Variants in NKD1 observed in about 807,000 individuals in gnomAD.
NKD1 encodes the protein protein naked cuticle homolog 1.
Under a neutral mutation model 56.0 loss-of-function variants are expected in NKD1, and 21 were observed. The observed-to-expected ratio is 0.38, with a 90% CI of 0.27 to 0.54. The LOEUF is 0.54. NKD1 is among the 20% of genes least tolerant of loss of function. The pLI is 0.82. For missense variants in NKD1, 578 were observed against 642.7 expected (o/e 0.90, Z 1.09); for synonymous variants, 263 against 265.7 (o/e 0.99, Z 0.10).
chr16:50,552,065 G>A (rs1467721835), intron 3 of NKD1: 1 of 152,166 alleles, frequency 6.6e-6, no homozygotes, highest in East Asian at 1.9e-4. Context: ...GGCTGGCAGA[G>A]GTCCTCCCAC....
rs532960713 is a variant in NKD1 at position 50,647,534 on chromosome 16, G to C, written c.*13753G>C. Reference sequence around the variant, plus strand: ...GGTCCTGGGAAAGACAGGGAGGAGAGTGGGGAAGTGAGGCAGAAAAGGAAG... The same window carrying C: ...GGTCCTGGGAAAGACAGGGAGGAGACTGGGGAAGTGAGGCAGAAAAGGAAG... On this transcript the variant is annotated 3_prime_UTR_variant, in exon 10 of 10. Transcript: ENST00000268459. The C allele has an allele frequency of 6.6e-6, 1 of 152,224 alleles. No homozygotes were observed. The highest frequency in any genetic ancestry group is 2.4e-5 in the African/African-American group (1 of 41,432). 9.4% of individuals were successfully genotyped at this position (152,224 alleles called of 1,614,324 possible).
chr16:50,614,225 G>A (rs1961913000), intron 4 of NKD1, among the ~76,000 whole-genome samples: 1 of 152,150 alleles, frequency 6.6e-6, no homozygotes, highest in African/African-American at 2.4e-5. Flanking sequence ...AGACGGATTT[G>A]TTAAGTCAGG....
In NKD1 at chr16:50,634,621, A is replaced by G. The variant is rs1962427612; in HGVS notation, c.*840A>G. On this transcript the variant is annotated 3_prime_UTR_variant, in exon 10 of 10. Transcript: ENST00000268459. The stretch of plus-strand genomic sequence containing the variant: ...TTGGTTGTGGTGGAGGATGTGGCAC[A>G]TATATACGTACCTACACGGTTCTCT... The G allele has an allele frequency of 6.6e-6, 1 of 152,366 alleles. No homozygotes were observed. The highest frequency in any genetic ancestry group is 2.4e-5 in the African/African-American group (1 of 41,444). 9.4% of individuals were successfully genotyped at this position (152,366 alleles called of 1,614,324 possible). A position where few individuals can be genotyped will look rare whatever the true frequency, so the allele number is the denominator to read the frequency against.
At chr16:50,572,182 G>A (rs1960899473) in intron 3 of NKD1, among the ~76,000 whole-genome samples, 2 of 152,156 alleles carry the variant, frequency 1.3e-5, no homozygotes, top group African/African-American at 4.8e-5. Context: ...ACCACCATTG[G>A]TCATTTGTGA....
chr16:50,574,093 A>G (rs1163896482), intron 3 of NKD1: 2 of 818,560 alleles, frequency 2.4e-6, no homozygotes, highest in African/African-American at 3.7e-5. Flanking sequence ...TGAGGCTCCA[A>G]GTGGCAGAAT....
intron 4 of NKD1, among the ~76,000 whole-genome samples, chr16:50,617,960 A>G (rs1052374787): frequency 2.0e-5 from 3 of 152,196 alleles, no homozygotes; most frequent in African/African-American, 7.2e-5. Flanking sequence ...CTCTGTTGCA[A>G]CAGTTCAACT....
At chr16:50,591,233 G>A (rs1014395073) in intron 3 of NKD1, among the ~76,000 whole-genome samples, 4 of 152,288 alleles carry the variant, frequency 2.6e-5, no homozygotes, top group Non-Finnish European at 4.4e-5. Context: ...GATATTTGCC[G>A]TTTGTTCCTC....
At chr16:50,629,389 G>A (rs1451102303) in intron 6 of NKD1, among the ~76,000 whole-genome samples, 1 of 152,206 alleles carries the variant, frequency 6.6e-6, no homozygotes, top group Non-Finnish European at 1.5e-5. Flanking sequence ...GGATTTGCAA[G>A]TGAGTGGGGA....
chr16:50,550,765 T>G (rs1960366217), intron 3 of NKD1, among the ~76,000 whole-genome samples: 2 of 152,116 alleles, frequency 1.3e-5, no homozygotes, highest in South Asian at 4.1e-4. Flanking sequence ...CCTTTCTAGT[T>G]TTTGATCTAC....
chr16:50,632,174 A>G lies in NKD1; in HGVS notation c.696-107A>G. 9.3e-7 allele frequency: 1 copy of G among 1,074,486 alleles called. No homozygotes were observed. The highest frequency in any genetic ancestry group is 1.4e-6 in the Non-Finnish European group (1 of 730,830). 66.6% of individuals were successfully genotyped at this position (1,074,486 alleles called of 1,614,324 possible). A position where few individuals can be genotyped will look rare whatever the true frequency, so the allele number is the denominator to read the frequency against. ...CACCCTCTCCAAAGGCCAAGAAGGAAATGAATGAAGGGTCCAGAGTTCATT... is the reference window on the plus strand; with the variant it reads ...CACCCTCTCCAAAGGCCAAGAAGGAGATGAATGAAGGGTCCAGAGTTCATT... On this transcript the variant is annotated intron_variant, in intron 8 of 9. Coordinates refer to ENST00000268459, the MANE Select transcript of NKD1 (RefSeq NM_033119.5). The surrounding 1 kb of genome is among the most constrained non-coding windows in gnomAD (Gnocchi z 4.1).
rs138964473 is a variant in NKD1 at position 50,598,262 on chromosome 16, T to TGTGCGC, written c.193-10031_193-10030insTGCGCG. ...GTGTGTGTGTGTGTGTGTGTGTGTG[T>TGTGCGC]GCGCGCACACCTGTGCTCATGGACA... On this transcript the variant is annotated intron_variant, in intron 3 of 9. Coordinates refer to ENST00000268459, the MANE Select transcript of NKD1 (RefSeq NM_033119.5). This position sits in a 1 kb window ranked among gnomAD's most constrained non-coding sequence, Gnocchi z 4.2. 6.7e-6 allele frequency among the ~76,000 whole-genome samples: 1 copy of TGTGCGC among 148,666 alleles called. No homozygotes were observed. Among genetic ancestry groups the TGTGCGC allele is most frequent in the African/African-American group, 2.6e-5 (1 of 39,158 alleles).
intron 3 of NKD1, among the ~76,000 whole-genome samples, chr16:50,591,735 G>T (rs886951514): frequency 6.6e-6 from 1 of 152,246 alleles, no homozygotes; most frequent in Non-Finnish European, 1.5e-5. Context: ...ATTGAAGCAC[G>T]GAGCCAGTGA....
chr16:50,589,774 C>G (rs1438083232), intron 3 of NKD1, among the ~76,000 whole-genome samples: 1 of 101,746 alleles, frequency 9.8e-6, no homozygotes, highest in Non-Finnish European at 2.0e-5. Flanking sequence ...CTCCTCTCCT[C>G]TCCTCTCCTC....
Position 50,605,321 on chromosome 16 carries a change from ACTTT to A in NKD1, c.193-2968_193-2965del, listed in dbSNP as rs540352354. On this transcript the variant is annotated intron_variant, in intron 3 of 9. Coordinates refer to ENST00000268459, the MANE Select transcript of NKD1 (RefSeq NM_033119.5). ...CATACAGTACTTCAGGGTTGAGGCC[ACTTT>A]CTTTGTAGAAAATAACAGTAATGAT... Among the ~76,000 whole-genome samples, 541 of 152,344 alleles carry A rather than the reference ACTTT, an allele frequency of 3.6e-3. 4 individuals are homozygous for A. Among genetic ancestry groups the A allele is most frequent in the African/African-American group, 0.013 (523 of 41,580 alleles).
rs1960987235 is a variant in NKD1 at position 50,576,043 on chromosome 16, G to A, written c.192+26488G>A. Reference sequence around the variant, plus strand: ...CCTGCCGTAGGGGAGCATCTGGGCTGCAGAGCCCACCAAGCCTCCTACCTG... The same window carrying A: ...CCTGCCGTAGGGGAGCATCTGGGCTACAGAGCCCACCAAGCCTCCTACCTG... On this transcript the variant is annotated intron_variant, in intron 3 of 9. Coordinates refer to ENST00000268459, the MANE Select transcript of NKD1 (RefSeq NM_033119.5). 3.3e-5 allele frequency among the ~76,000 whole-genome samples: 5 copies of A among 152,260 alleles called. No homozygotes were observed. In the South Asian group the frequency reaches 1.0e-3, roughly 31 times the overall value.
rs1427554739 is a variant in NKD1 at position 50,598,401 on chromosome 16, G to A, written c.193-9893G>A. 2.6e-5 allele frequency among the ~76,000 whole-genome samples: 4 copies of A among 152,302 alleles called. No individual in the cohort carries two copies. Among genetic ancestry groups the A allele is most frequent in the African/African-American group, 7.2e-5 (3 of 41,560 alleles). On this transcript the variant is annotated intron_variant, in intron 3 of 9. Coordinates refer to ENST00000268459, the MANE Select transcript of NKD1 (RefSeq NM_033119.5). The surrounding 1 kb of genome is among the most constrained non-coding windows in gnomAD (Gnocchi z 4.2). ...GAAGCTCAAGCCCTTCATTCCTGAG[G>A]CTGAGCAAGAAATTCCAGGCTTCTT...
chr16:50,569,942 C>G (rs935887174), intron 3 of NKD1, among the ~76,000 whole-genome samples: 1 of 152,132 alleles, frequency 6.6e-6, no homozygotes, highest in African/African-American at 2.4e-5. Flanking sequence ...GTGGTTGGAG[C>G]CGGGCGGGCA....
In NKD1 at chr16:50,623,725, C is replaced by CTGTGTGTGTG. The variant is rs71928407; in HGVS notation, c.367-1730_367-1721dup. ...AAGCTGTCTTGGAAACAGGTAAGTG[C>CTGTGTGTGTG]TGTGTGTGTGTGTGTGTGTGTGTGT... is the stretch of plus-strand genomic sequence containing the variant. On this transcript the variant is annotated intron_variant, in intron 5 of 9. Transcript: ENST00000268459. The surrounding 1 kb of genome is among the most constrained non-coding windows in gnomAD (Gnocchi z 4.1). 9.8e-3 allele frequency among the ~76,000 whole-genome samples: 1,391 copies of CTGTGTGTGTG among 141,612 alleles called. 7 individuals are homozygous for CTGTGTGTGTG. Among genetic ancestry groups the CTGTGTGTGTG allele is most frequent in the African/African-American group, 0.016 (628 of 38,112 alleles). 92.9% of individuals were successfully genotyped at this position (141,612 alleles called of 152,430 possible).
chr16:50,621,893 G>A (rs1260993946), intron 5 of NKD1, among the ~76,000 whole-genome samples, 185 bp downstream of exon 5: 1 of 152,200 alleles, frequency 6.6e-6, no homozygotes, highest in Non-Finnish European at 1.5e-5. Flanking sequence ...AGACCCCAGG[G>A]ACTCACCGCT....
Sources: allele counts gnomAD v4.1 joint callset (sites outside exome capture counted in the v4.1 genomes callset), GRCh38; gene constraint gnomAD v4.1.1; non-coding constraint Gnocchi (gnomAD v3.1); transcripts MANE v1.5; gene names NCBI Gene and HGNC (gene_info 2026-07-23, HGNC 2026-07-21).